Variants in NMNAT2 observed in about 807,000 individuals in gnomAD.
NMNAT2 encodes the protein nicotinamide/nicotinic acid mononucleotide adenylyltransferase 2.
Under a neutral mutation model 41.6 loss-of-function variants are expected in NMNAT2, and 11 were observed. The ratio of observed to expected loss-of-function variants is 0.26; its 90% CI spans 0.17 to 0.44. The LOEUF (loss-of-function observed/expected upper bound fraction) is 0.44, where lower values mean the gene tolerates loss of function less well. Among genes scored for constraint, NMNAT2 ranks in the 20% least tolerant of loss-of-function variants. The pLI, the probability that NMNAT2 is intolerant of heterozygous loss-of-function variation, is 1.00. For missense variants in NMNAT2, 288 were observed against 407.7 expected (o/e 0.71, Z 2.53); for synonymous variants, 148 against 151.2 (o/e 0.98, Z 0.16).
intron 1 of NMNAT2, among the ~76,000 whole-genome samples, chr1:183,345,506 T>A (rs1360277): frequency 0.52 from 79,279 of 151,518 alleles, 22,286 homozygotes; most frequent in East Asian, 0.86. Context: ...GGAGTAGAAC[T>A]GGTGGCTTTA....
At chr1:183,303,047 C>G (rs1183536549) in intron 1 of NMNAT2, among the ~76,000 whole-genome samples, 4 of 152,316 alleles carry the variant, frequency 2.6e-5, no homozygotes, top group African/African-American at 7.2e-5. Context: ...AAGGAAGATA[C>G]TCATTCCAGG....
At chr1:183,378,111 T>G (rs892893374) in intron 1 of NMNAT2, among the ~76,000 whole-genome samples, 2 of 151,988 alleles carry the variant, frequency 1.3e-5, no homozygotes, top group Admixed American at 6.6e-5. Context: ...ATAAAAATAG[T>G]CTGGGTGCGG....
chr1:183,311,272 G>A (rs1180174724), intron 1 of NMNAT2, among the ~76,000 whole-genome samples: 4 of 152,142 alleles, frequency 2.6e-5, no homozygotes, highest in South Asian at 2.1e-4. Context: ...CAGAGTGAGC[G>A]ATTTGGGGAA....
At chr1:183,401,848 A>C (rs572303798) in intron 1 of NMNAT2, among the ~76,000 whole-genome samples, 22 of 145,114 alleles carry the variant, frequency 1.5e-4, no homozygotes, top group African/African-American at 5.3e-4. Flanking sequence ...TCTCACTTGT[A>C]GGTGGGAACT....
At chr1:183,293,324 G>T (rs942251123) in intron 2 of NMNAT2, among the ~76,000 whole-genome samples, 1 of 152,234 alleles carries the variant, frequency 6.6e-6, no homozygotes, top group Non-Finnish European at 1.5e-5. Context: ...ATTATAAAAG[G>T]CATAGGCCGT....
Position 183,375,265 on chromosome 1 carries a change from C to T in NMNAT2, c.85+42918G>A, listed in dbSNP as rs1437750856. Among the ~76,000 whole-genome samples the T allele has an allele frequency of 2.0e-5, 3 of 152,220 alleles. No homozygotes were observed. The East Asian group carries it at 5.8e-4, about 29-fold the overall frequency. ...ATAACAACCCATGGCCAGTGCTTCCCTTTATTTATCCAATCATTTGACAAA... is the reference window on the plus strand; with the variant it reads ...ATAACAACCCATGGCCAGTGCTTCCTTTTATTTATCCAATCATTTGACAAA... On this transcript the variant is annotated intron_variant, in intron 1 of 10. Transcript: ENST00000287713.
rs753422276 is a variant in NMNAT2, at chr1:183,286,707, G to T, written c.403C>A (p.Gln135Lys). 4.3e-6 allele frequency: 7 copies of T among 1,611,956 alleles called. No individual in the cohort carries two copies. Among genetic ancestry groups the T allele is most frequent in the Non-Finnish European group, 4.2e-6 (5 of 1,179,122 alleles). Reference sequence around the variant, plus strand: ...ACGTTGCTGTTCTGGTAAATGGGCTGGGGGGTCTCGTTTTGTGGCTGTCCG... The same window carrying T: ...ACGTTGCTGTTCTGGTAAATGGGCTTGGGGGTCTCGTTTTGTGGCTGTCCG... ...VIGQPQNETP[Q>K]PIYQNSNVAT... Residue 135 changes from glutamine to lysine, a missense_variant, in exon 5 of 11, where the codon CAG becomes AAG. By Grantham distance (53) the Gln-to-Lys change is moderately conservative. Around this residue, in one of 3 missense-constraint regions of NMNAT2, gnomAD observed 181 missense variants for 213.7 expected, o/e 0.85. Coordinates refer to ENST00000287713, the MANE Select transcript of NMNAT2 (RefSeq NM_015039.4).
At chr1:183,312,485 C>T (rs1662145790) in intron 1 of NMNAT2, among the ~76,000 whole-genome samples, 2 of 151,884 alleles carry the variant, frequency 1.3e-5, no homozygotes, top group Admixed American at 1.3e-4. Flanking sequence ...TAATATCTTA[C>T]CACATTTGCT....
At chr1:183,363,709 C>A (rs1175700511) in intron 1 of NMNAT2, among the ~76,000 whole-genome samples, 2 of 152,154 alleles carry the variant, frequency 1.3e-5, no homozygotes, top group African/African-American at 2.4e-5. Flanking sequence ...TGAATTGTAA[C>A]CCCTTATTCC....
In NMNAT2 at chr1:183,369,044, A is replaced by C. The variant is rs1438634108; in HGVS notation, c.85+49139T>G. On this transcript the variant is annotated intron_variant, in intron 1 of 10. Coordinates refer to ENST00000287713, the MANE Select transcript of NMNAT2 (RefSeq NM_015039.4). ...GGTCCTGGCTGTGAGACCCCTTCTC[A>C]CGGCAACTCTGAGCCAGCAGCAGGT... Among the ~76,000 whole-genome samples the C allele has an allele frequency of 4.6e-5, 7 of 152,204 alleles. 1 individual carries two copies. The South Asian group carries it at 1.5e-3, about 32-fold the overall frequency.
rs190140497 is a variant in NMNAT2, at chr1:183,299,015, G to A, written c.86-5222C>T. ...ACGGGAAACAACCCAAATGTCCTAC[G>A]ATAGGTAAATGGTTAACTAAACTGT... On this transcript the variant is annotated intron_variant, in intron 1 of 10. Transcript: ENST00000287713. Among the ~76,000 whole-genome samples, 14 of 152,242 alleles carry A rather than the reference G, an allele frequency of 9.2e-5. No individual in the cohort carries two copies. The East Asian group carries it at 9.6e-4, about 10-fold the overall frequency.
chr1:183,345,171 T>A (rs1662901424), intron 1 of NMNAT2, among the ~76,000 whole-genome samples: 1 of 151,840 alleles, frequency 6.6e-6, no homozygotes, highest in Non-Finnish European at 1.5e-5. Context: ...TCTACTAACA[T>A]CACCTACTTC....
chr1:183,338,936 G>A (rs984126060), intron 1 of NMNAT2, among the ~76,000 whole-genome samples: 1 of 152,102 alleles, frequency 6.6e-6, no homozygotes, highest in Non-Finnish European at 1.5e-5. Flanking sequence ...GAAACAGGGT[G>A]GGAAGGGCAG....
At chr1:183,276,922 A>G (rs1306183861) in intron 8 of NMNAT2, among the ~76,000 whole-genome samples, 1 of 152,220 alleles carries the variant, frequency 6.6e-6, no homozygotes, top group African/African-American at 2.4e-5. Flanking sequence ...TATATTTCAC[A>G]CAGTATACCT....
At chr1:183,371,538 T>C (rs1470356826) in intron 1 of NMNAT2, among the ~76,000 whole-genome samples, 1 of 152,190 alleles carries the variant, frequency 6.6e-6, no homozygotes, top group Admixed American at 6.5e-5. Context: ...ATGTTGATAA[T>C]GGGCAAGGCT....
chr1:183,394,968 G>A (rs985691125), intron 1 of NMNAT2, among the ~76,000 whole-genome samples: 3 of 152,060 alleles, frequency 2.0e-5, no homozygotes, highest in African/African-American at 4.8e-5. Flanking sequence ...CAATATCCCC[G>A]GATGGCAGTT....
intron 10 of NMNAT2, among the ~76,000 whole-genome samples, chr1:183,260,105 G>T (rs2477438): frequency 1.3e-5 from 2 of 152,176 alleles, no homozygotes; most frequent in African/African-American, 4.8e-5. Context: ...TGGGCATGTG[G>T]CTGCCTAGCT....
chr1:183,300,500 T>C (rs965450458), intron 1 of NMNAT2, among the ~76,000 whole-genome samples: 1 of 152,026 alleles, frequency 6.6e-6, no homozygotes, highest in Non-Finnish European at 1.5e-5. Flanking sequence ...CTTTATCTTG[T>C]ACTTCCCAGC....
chr1:183,336,554 T>G (rs1444433223), intron 1 of NMNAT2, among the ~76,000 whole-genome samples: 1 of 152,194 alleles, frequency 6.6e-6, no homozygotes, highest in African/African-American at 2.4e-5. Flanking sequence ...TTAAAAAGAC[T>G]GACATTACCA....
Sources: allele counts gnomAD v4.1 joint callset (sites outside exome capture counted in the v4.1 genomes callset), GRCh38; gene constraint gnomAD v4.1.1; regional missense constraint gnomAD v4.1.1; transcripts MANE v1.5; gene names NCBI Gene and HGNC (gene_info 2026-07-23, HGNC 2026-07-21).